The following CYTH1 variants were observed in gnomAD, a reference collection of about 807,000 sequenced individuals.
CYTH1 encodes cytohesin-1.
A neutral mutation model predicts 61.8 loss-of-function variants in CYTH1; 18 were observed. The ratio of observed to expected loss-of-function variants is 0.29; its 90% CI spans 0.20 to 0.43. CYTH1 has a LOEUF of 0.43. Ranked by LOEUF, CYTH1 falls within the 20% of genes least tolerant of loss-of-function variation. CYTH1 has a pLI of 1.00. For missense variants in CYTH1, 336 were observed against 510.5 expected, an observed-to-expected ratio of 0.66 and a Z score of 3.29; for synonymous variants, 174 against 184.3, an observed-to-expected ratio of 0.94 and a Z score of 0.45.
chr17:78,777,413 G>A (rs969893192), intron 1 of CYTH1, among the ~76,000 whole-genome samples: 9 of 151,950 alleles, frequency 5.9e-5, no homozygotes, highest in East Asian at 3.8e-4. Context: ...GCAAGACTCC[G>A]TCTCAAAAAT....
chr17:78,754,421 G>GCAGCCT (rs2093392881), intron 1 of CYTH1, among the ~76,000 whole-genome samples: 1 of 151,556 alleles, frequency 6.6e-6, no homozygotes, highest in Non-Finnish European at 1.5e-5. Flanking sequence ...TTGGCTCACT[G>GCAGCCT]CAGCCTCAAC....
At chr17:78,740,868 A>G (rs1236007461) in intron 1 of CYTH1, among the ~76,000 whole-genome samples, 1 of 152,250 alleles carries the variant, frequency 6.6e-6, no homozygotes, top group Non-Finnish European at 1.5e-5. Context: ...ACAGAGTGTT[A>G]GATTACTACG....
intron 1 of CYTH1, among the ~76,000 whole-genome samples, chr17:78,750,828 T>C (rs2093377373): frequency 6.6e-6 from 1 of 151,562 alleles, no homozygotes; most frequent in Non-Finnish European, 1.5e-5. Flanking sequence ...AAAATAGTCA[T>C]TGCTAACACT....
At chr17:78,726,128 CT>C (rs2093265424) in intron 1 of CYTH1, among the ~76,000 whole-genome samples, 1 of 149,744 alleles carries the variant, frequency 6.7e-6, no homozygotes, top group South Asian at 2.1e-4. Context: ...ACTGCAAGCT[CT>C]GTCTCCCAGG....
chr17:78,690,121 T>A (rs1037921961), intron 11 of CYTH1, among the ~76,000 whole-genome samples: 1 of 151,910 alleles, frequency 6.6e-6, no homozygotes, highest in African/African-American at 2.4e-5. Flanking sequence ...GACAGCATCC[T>A]CTCTGTGTCT....
intron 1 of CYTH1, among the ~76,000 whole-genome samples, chr17:78,746,341 T>C (rs552729763): frequency 2.6e-4 from 39 of 152,312 alleles, no homozygotes; most frequent in Admixed American, 8.5e-4. Flanking sequence ...TTCTGAGGTA[T>C]ACAAAATACA....
At chr17:78,743,314 C>T (rs574064201) in intron 1 of CYTH1, among the ~76,000 whole-genome samples, 5 of 152,306 alleles carry the variant, frequency 3.3e-5, no homozygotes, top group Admixed American at 1.3e-4. Context: ...TCTCTGTTCT[C>T]GTCCACAGTA....
At position 78,680,968 on chromosome 17, in the gene CYTH1, C is replaced by T; in HGVS notation, c.963+3G>A. 1 of 1,613,972 alleles carries T rather than the reference C, an allele frequency of 6.2e-7. No homozygotes were observed. The highest frequency in any genetic ancestry group is 8.5e-7 in the Non-Finnish European group (1 of 1,179,914). On this transcript the variant is annotated splice_donor_region_variant and intron_variant, in intron 12 of 13. Coordinates refer to ENST00000446868, the MANE Select transcript of CYTH1 (RefSeq NM_004762.6). Reference sequence around the variant, plus strand: ...CTCAAAATATCTCAGCAAAAATACTCACTGGTTTTTTGGAGTCCTCCACTT... The same window carrying T: ...CTCAAAATATCTCAGCAAAAATACTTACTGGTTTTTTGGAGTCCTCCACTT...
At chr17:78,713,763 G>A (rs1470691155) in intron 1 of CYTH1, among the ~76,000 whole-genome samples, 4 of 148,504 alleles carry the variant, frequency 2.7e-5, no homozygotes, top group East Asian at 3.9e-4. Context: ...CAGAGCAATC[G>A]TATAAAAGAA....
chr17:78,774,313 T>G (rs553702537), intron 1 of CYTH1, among the ~76,000 whole-genome samples: 1 of 152,330 alleles, frequency 6.6e-6, no homozygotes, highest in South Asian at 2.1e-4. Flanking sequence ...TAAGAAGGTG[T>G]TCACTGTAAA....
Position 78,701,704 on chromosome 17 carries a change from T to C in CYTH1, c.404A>G (p.Glu135Gly), listed in dbSNP as rs976586199. 1 of 1,614,076 alleles carries C rather than the reference T, an allele frequency of 6.2e-7. No homozygotes were observed. Among genetic ancestry groups the C allele is most frequent in the African/African-American group, 1.3e-5 (1 of 74,922 alleles). ...QVLHAFVELHEFTDLNLVQAL... is the reference protein window; with the variant it reads ...QVLHAFVELHGFTDLNLVQAL... ...CTGGACGAGATTAAGATCAGTGAAC[T>C]CATGCAGCTCCACAAATGCATGAAG... Residue 135 changes from glutamate to glycine, a missense_variant, in exon 6 of 14, where the codon GAG becomes GGG. Glu to Gly is a moderately conservative substitution (Grantham distance 98). Transcript: ENST00000446868.
At chr17:78,693,664 G>A (rs1381138070) in intron 10 of CYTH1, among the ~76,000 whole-genome samples, 3 of 152,030 alleles carry the variant, frequency 2.0e-5, no homozygotes, top group Non-Finnish European at 4.4e-5. Context: ...GTTGGGGTTG[G>A]GGCCGTGAAG....
rs546021139 is a variant in CYTH1 at position 78,705,721 on chromosome 17, C to T, written c.170+2476G>A. ...AGAATCACTTCCGTCTTGGCGCTTTCGATACCGGAAAACCATTTTAAGTTC... is the reference window on the plus strand; with the variant it reads ...AGAATCACTTCCGTCTTGGCGCTTTTGATACCGGAAAACCATTTTAAGTTC... On this transcript the variant is annotated intron_variant, in intron 3 of 13. Coordinates refer to ENST00000446868, the MANE Select transcript of CYTH1 (RefSeq NM_004762.6). 2.6e-4 allele frequency among the ~76,000 whole-genome samples: 39 copies of T among 152,206 alleles called. No individual in the cohort carries two copies. In the South Asian group the frequency reaches 4.8e-3, roughly 19 times the overall value.
intron 9 of CYTH1, among the ~76,000 whole-genome samples, chr17:78,697,509 C>T (rs2092952601): frequency 6.6e-6 from 1 of 151,764 alleles, no homozygotes; most frequent in Non-Finnish European, 1.5e-5. Context: ...GCAATACAAG[C>T]TCATCACTTC....
chr17:78,742,237 A>T (rs1410083858), intron 1 of CYTH1, among the ~76,000 whole-genome samples: 1 of 152,202 alleles, frequency 6.6e-6, no homozygotes, highest in South Asian at 2.1e-4. Context: ...CTGATTTCCA[A>T]AATAACTGTT....
At chr17:78,694,488 A>G (rs1455627738) in intron 10 of CYTH1, among the ~76,000 whole-genome samples, 1 of 152,234 alleles carries the variant, frequency 6.6e-6, no homozygotes, top group Non-Finnish European at 1.5e-5. Flanking sequence ...GAATTAAATA[A>G]GGAGGATAAA....
At chr17:78,689,587 C>G (rs2092855488) in intron 11 of CYTH1, among the ~76,000 whole-genome samples, 1 of 152,192 alleles carries the variant, frequency 6.6e-6, no homozygotes, top group Non-Finnish European at 1.5e-5. Flanking sequence ...CACTCACCTC[C>G]CGCTGTGTGG....
At chr17:78,753,543 A>G (rs2144681303) in intron 1 of CYTH1, among the ~76,000 whole-genome samples, 1 of 152,208 alleles carries the variant, frequency 6.6e-6, no homozygotes, top group South Asian at 2.1e-4. Context: ...AGATAACAAC[A>G]AAGAATCGGA....
chr17:78,725,523 T>C (rs931814765), intron 1 of CYTH1, among the ~76,000 whole-genome samples: 4 of 152,184 alleles, frequency 2.6e-5, no homozygotes, highest in African/African-American at 9.7e-5. Flanking sequence ...TTTACACAAA[T>C]ACACATATAC....
Sources: allele counts gnomAD v4.1 joint callset (sites outside exome capture counted in the v4.1 genomes callset), GRCh38; gene constraint gnomAD v4.1.1; transcripts MANE v1.5; gene names NCBI Gene and HGNC (gene_info 2026-07-23, HGNC 2026-07-21).